GRM7: variants seen among roughly 807,000 people sequenced by gnomAD.
GRM7 encodes metabotropic glutamate receptor 7.
In GRM7, 35 loss-of-function variants were observed where a neutral mutation model predicts 84.5. The ratio of observed to expected loss-of-function variants is 0.41; its 90% CI spans 0.32 to 0.55. The LOEUF is 0.55. Among genes scored for constraint, GRM7 ranks in the 20% least tolerant of loss-of-function variants. The pLI is 0.19. For missense variants in GRM7, 1,003 were observed against 1,194.6 expected (o/e 0.84, Z 2.36); for synonymous variants, 487 against 455.1 (o/e 1.07, Z -0.89).
chr3:6,970,432 T>C (rs1693705596), intron 1 of GRM7, among the ~76,000 whole-genome samples: 1 of 152,234 alleles, frequency 6.6e-6, no homozygotes, highest in African/African-American at 2.4e-5. Context: ...GTTGTAATTG[T>C]TTCAAAATAA....
chr3:7,105,314 A>G (rs911822224), intron 1 of GRM7, among the ~76,000 whole-genome samples: 4 of 151,902 alleles, frequency 2.6e-5, no homozygotes, highest in African/African-American at 9.7e-5. Flanking sequence ...ATGAAAAATA[A>G]CTCATATTCT....
At chr3:7,325,204 A>G (rs1052715074) in intron 4 of GRM7, among the ~76,000 whole-genome samples, 1 of 152,068 alleles carries the variant, frequency 6.6e-6, no homozygotes, top group Non-Finnish European at 1.5e-5. Context: ...TCTCAAATAT[A>G]TTTACCGAGC....
At chr3:7,706,067 T>A (rs1701376997) in intron 9 of GRM7, among the ~76,000 whole-genome samples, 1 of 152,014 alleles carries the variant, frequency 6.6e-6, no homozygotes, top group Non-Finnish European at 1.5e-5. Flanking sequence ...GGAGATGAAT[T>A]AACTTTCAAT....
chr3:7,268,517 A>G (rs1285922390), intron 2 of GRM7, among the ~76,000 whole-genome samples: 1 of 152,188 alleles, frequency 6.6e-6, no homozygotes, highest in Admixed American at 6.5e-5. Flanking sequence ...GGATGTGTCA[A>G]TAGATAAAAT....
chr3:6,906,844 T>C (rs962843930), intron 1 of GRM7, among the ~76,000 whole-genome samples: 3 of 152,194 alleles, frequency 2.0e-5, no homozygotes, highest in African/African-American at 7.2e-5. Flanking sequence ...ATTTTTACCT[T>C]GATGCAGTTT....
chr3:7,016,979 G>A (rs1575134025), intron 1 of GRM7, among the ~76,000 whole-genome samples: 2 of 152,116 alleles, frequency 1.3e-5, no homozygotes, highest in Admixed American at 6.5e-5. Flanking sequence ...AGCCTGGAGG[G>A]AAAACAGAGT....
At chr3:7,564,323 T>C (rs118178971) in intron 7 of GRM7, among the ~76,000 whole-genome samples, 2,159 of 152,296 alleles carry the variant, frequency 0.014, 45 homozygotes, top group South Asian at 0.079. Context: ...ACTGTCTCCA[T>C]TTCACAGATG....
chr3:6,995,198 A>T (rs1694788212), intron 1 of GRM7, among the ~76,000 whole-genome samples: 1 of 152,186 alleles, frequency 6.6e-6, no homozygotes, highest in Non-Finnish European at 1.5e-5. Flanking sequence ...TTTTATTTGG[A>T]TAAGTAATAG....
chr3:7,126,699 G>A (rs940925651), intron 1 of GRM7, among the ~76,000 whole-genome samples: 20 of 152,134 alleles, frequency 1.3e-4, no homozygotes, highest in African/African-American at 4.8e-4. Flanking sequence ...TAAATGTGTT[G>A]TTGTCGTGAG....
At chr3:7,430,297 ACC>A (rs1696774209) in intron 5 of GRM7, among the ~76,000 whole-genome samples, 2 of 152,180 alleles carry the variant, frequency 1.3e-5, no homozygotes. Flanking sequence ...AATTGAGGTC[ACC>A]TGGGATGTTC....
At chr3:7,115,700 G>A (rs963717387) in intron 1 of GRM7, among the ~76,000 whole-genome samples, 5 of 152,046 alleles carry the variant, frequency 3.3e-5, no homozygotes, top group African/African-American at 1.2e-4. Flanking sequence ...ATTAAATGAC[G>A]CCTGCCCTCA....
chr3:7,721,489 A>G (rs1422279975), intron 9 of GRM7, among the ~76,000 whole-genome samples: 2 of 152,218 alleles, frequency 1.3e-5, no homozygotes, highest in Non-Finnish European at 2.9e-5. Context: ...TCAGCTTGGT[A>G]GTTCTCCCAG....
rs149231981 is a variant in GRM7, at chr3:7,037,725, T to C, written c.520-108727T>C. On this transcript the variant is annotated intron_variant, in intron 1 of 9. Transcript: ENST00000357716. ...GTAGGAACAAGGAAAATATATTTGG[T>C]ACAAATATTTTAATTTCCTCAAGAA... Among the ~76,000 whole-genome samples, 27 of 152,290 alleles carry C rather than the reference T, an allele frequency of 1.8e-4. 1 individual carries two copies. The highest frequency in any genetic ancestry group is 1.7e-3 in the Admixed American group (26 of 15,292).
In GRM7 at chr3:7,252,328, T is replaced by G. The variant is rs374931267; in HGVS notation, c.737-46356T>G. ...TGTCTGCCTGTTCCGCTCATAGCCC[T>G]CAAGTCCTTCCAGATGCAGAGCCCC... On this transcript the variant is annotated intron_variant, in intron 2 of 9. Transcript: ENST00000357716. Among the ~76,000 whole-genome samples the G allele has an allele frequency of 1.8e-4, 28 of 152,314 alleles. No individual in the cohort carries two copies. In the East Asian group the frequency reaches 4.4e-3, roughly 24 times the overall value.
At chr3:7,100,332 C>T (rs1273699535) in intron 1 of GRM7, among the ~76,000 whole-genome samples, 1 of 151,662 alleles carries the variant, frequency 6.6e-6, no homozygotes, top group African/African-American at 2.4e-5. Context: ...TAGGCACTTC[C>T]TGAAACTGTG....
chr3:7,659,345 G>A (rs1295689208), intron 8 of GRM7, among the ~76,000 whole-genome samples: 1 of 152,154 alleles, frequency 6.6e-6, no homozygotes, highest in African/African-American at 2.4e-5. Context: ...CTATAGCTAT[G>A]AGAGATGAGC....
intron 2 of GRM7, among the ~76,000 whole-genome samples, chr3:7,259,439 C>T (rs1486010355): frequency 6.6e-6 from 1 of 152,114 alleles, no homozygotes; most frequent in Non-Finnish European, 1.5e-5. Context: ...CTCCTCCCAA[C>T]TTCAACCCAG....
chr3:7,519,700 A>C lies in GRM7; in HGVS notation c.1515+57978A>C, dbSNP rs547675427. Reference sequence around the variant, plus strand: ...GTAACAGTTACCTTTAGTATAAAAAAGAATTGTTCTGATGCTTAGTAACTT... The same window carrying C: ...GTAACAGTTACCTTTAGTATAAAAACGAATTGTTCTGATGCTTAGTAACTT... On this transcript the variant is annotated intron_variant, in intron 7 of 9. Coordinates refer to ENST00000357716, the MANE Select transcript of GRM7 (RefSeq NM_000844.4). The C allele has an allele frequency of 2.6e-5, 4 of 152,346 alleles. No homozygotes were observed. In the East Asian group the frequency reaches 7.7e-4, roughly 29 times the overall value. 9.4% of individuals were successfully genotyped at this position (152,346 alleles called of 1,614,324 possible). A position where few individuals can be genotyped will look rare whatever the true frequency, so the allele number is the denominator to read the frequency against.
At chr3:7,632,391 C>T (rs1399764188) in intron 8 of GRM7, among the ~76,000 whole-genome samples, 1 of 151,936 alleles carries the variant, frequency 6.6e-6, no homozygotes, top group Non-Finnish European at 1.5e-5. Flanking sequence ...TAGGGGAACA[C>T]AAAAAGTAAA....
Sources: gnomAD v4.1 joint callset for allele counts (sites outside exome capture counted in the v4.1 genomes callset) on GRCh38, gnomAD v4.1.1 for gene constraint, MANE v1.5 for transcripts, NCBI Gene and HGNC (gene_info 2026-07-23, HGNC 2026-07-21) for gene names.